The following ACTN2 variants were observed in gnomAD, a reference collection of about 807,000 sequenced individuals.
The protein encoded by ACTN2 is actinin alpha 2, also known as alpha-actinin-2.
ACTN2 carries 39 observed loss-of-function variants against 113.8 expected under a neutral mutation model. The observed-to-expected ratio is 0.34, with a 90% CI of 0.27 to 0.45. The LOEUF (loss-of-function observed/expected upper bound fraction) is 0.45. Among genes scored for constraint, ACTN2 ranks in the 20% least tolerant of loss-of-function variants. The pLI is 1.00. For synonymous variants in ACTN2, 429 were observed against 444.1 expected (o/e 0.97, Z 0.43); for missense variants, 992 against 1,177.9 (o/e 0.84, Z 2.31).
chr1:236,719,136 GCTCT>G (rs1212704116), intron 3 of ACTN2, 123 bp downstream of exon 3: 2 of 1,422,038 alleles, frequency 1.4e-6, no homozygotes, highest in African/African-American at 2.8e-5. Flanking sequence ...CTTGTATCAG[GCTCT>G]CTCTTAGGGC....
chr1:236,715,507 C>G (rs1171131990), intron 1 of ACTN2, among the ~76,000 whole-genome samples: 5 of 151,948 alleles, frequency 3.3e-5, no homozygotes, highest in Non-Finnish European at 7.4e-5. Context: ...TATATTTGCA[C>G]CATCCAATAC....
At chr1:236,729,706 A>G (rs1658661661) in intron 6 of ACTN2, among the ~76,000 whole-genome samples, 1 of 152,222 alleles carries the variant, frequency 6.6e-6, no homozygotes, top group Non-Finnish European at 1.5e-5. Context: ...CCAGCTTTTC[A>G]ATGGATGTAT....
chr1:236,691,659 T>C (rs1050060084), intron 1 of ACTN2, among the ~76,000 whole-genome samples: 1 of 151,950 alleles, frequency 6.6e-6, no homozygotes, highest in Non-Finnish European at 1.5e-5. Flanking sequence ...AATAAAAAAA[T>C]AATAAGTGTA....
chr1:236,736,918 T>G, intron 8 of ACTN2: 1 of 625,838 alleles, frequency 1.6e-6, no homozygotes, highest in Non-Finnish European at 2.9e-6. Flanking sequence ...GCCGTGTAAG[T>G]CTGTGTGAAA....
At chr1:236,729,530 G>A (rs886523346) in intron 6 of ACTN2, among the ~76,000 whole-genome samples, 2 of 152,134 alleles carry the variant, frequency 1.3e-5, no homozygotes, top group African/African-American at 2.4e-5. Context: ...ATGGATGGTC[G>A]TAAGAAGAGT....
rs200854335 is a variant in ACTN2, at chr1:236,761,144, G to A, written c.2497G>A (p.Ala833Thr). Residue 833 changes from alanine to threonine, a missense_variant, in exon 20 of 21, where the codon GCC (alanine) becomes ACC (threonine). Around this residue, in one of 3 missense-constraint regions of ACTN2, gnomAD observed 736 missense variants for 815.4 expected, o/e 0.90. Coordinates refer to ENST00000366578, the MANE Select transcript of ACTN2 (RefSeq NM_001103.4). ...ADTDTAEQVIASFRILASDKP... is the reference protein window; with the variant it reads ...ADTDTAEQVITSFRILASDKP... ...CACCGACACTGCCGAGCAGGTCATC[G>A]CCTCCTTCCGGATCCTGGCTTCTGA... 58 of 1,614,032 alleles carry A rather than the reference G, an allele frequency of 3.6e-5. No individual in the cohort carries two copies. Among genetic ancestry groups the A allele is most frequent in the Non-Finnish European group, 4.3e-5 (51 of 1,180,004 alleles).
chr1:236,710,902 A>G lies in ACTN2; in HGVS notation c.127-6956A>G, dbSNP rs1303431028. On this transcript the variant is annotated intron_variant, in intron 1 of 20. Transcript: ENST00000366578. ...AAACCATCCCCCTTCCCTACCCCCC[A>G]CCCGTGGAAAAATTGTCTTCCACGA... Among the ~76,000 whole-genome samples the G allele has an allele frequency of 4.1e-5, 6 of 147,044 alleles. No homozygotes were observed. In the Admixed American group the frequency reaches 4.1e-4, roughly 10 times the overall value.
At chr1:236,733,634 C>T (rs1658777867) in intron 7 of ACTN2, among the ~76,000 whole-genome samples, 2 of 148,106 alleles carry the variant, frequency 1.4e-5, no homozygotes, top group Non-Finnish European at 3.0e-5. Context: ...GTAGAGCGTG[C>T]GGTGGCATCA....
At chr1:236,723,941 G>A (rs1652223) in intron 4 of ACTN2, among the ~76,000 whole-genome samples, 1 of 151,990 alleles carries the variant, frequency 6.6e-6, no homozygotes, top group African/African-American at 2.4e-5. Context: ...TTGAGGAGCT[G>A]TTTAGATGTG....
In ACTN2 at chr1:236,726,004, C is replaced by G. The variant is rs1192315443; in HGVS notation, c.520C>G (p.Gln174Glu). The G allele has an allele frequency of 6.2e-7, 1 of 1,613,972 alleles. No homozygotes were observed. Among genetic ancestry groups the G allele is most frequent in the Non-Finnish European group, 8.5e-7 (1 of 1,179,986 alleles). ...TGCTCCTTATAGAAATGTGAACATT[C>G]AGAACTTCCATACTAGGTGAGCACC... The part of the protein sequence containing the change: ...KTAPYRNVNI[Q>E]NFHTSWKDGL... Residue 174 changes from glutamine (Q) to glutamate (E), a missense_variant, in exon 5 of 21, where the codon CAG becomes GAG. Coordinates refer to ENST00000366578, the MANE Select transcript of ACTN2 (RefSeq NM_001103.4).
chr1:236,706,951 G>T (rs1379798648), intron 1 of ACTN2, among the ~76,000 whole-genome samples: 1 of 152,198 alleles, frequency 6.6e-6, no homozygotes. Flanking sequence ...TAATACGTAT[G>T]CATGCAGACA....
intron 7 of ACTN2, 75 bp from the exon 8 acceptor site, chr1:236,735,560 T>C (rs1028035955): frequency 2.3e-5 from 30 of 1,329,856 alleles, no homozygotes; most frequent in Middle Eastern, 1.8e-4. Context: ...CTGTTCTCCC[T>C]GGTTTCTCTC....
rs1659767600 is a variant in ACTN2 at position 236,763,480 on chromosome 1, A to G, written c.*861A>G. On this transcript the variant is annotated 3_prime_UTR_variant, in exon 21 of 21. Coordinates refer to ENST00000366578, the MANE Select transcript of ACTN2 (RefSeq NM_001103.4). ...CATAAAAGTGCTCTGTTTATAAATA[A>G]GCAGGTTTCTGTAGTACTGACTGGT... is the stretch of plus-strand genomic sequence containing the variant. 1 of 152,302 alleles carries G rather than the reference A, an allele frequency of 6.6e-6. No individual in the cohort carries two copies. Among genetic ancestry groups the G allele is most frequent in the South Asian group, 2.1e-4 (1 of 4,832 alleles). The allele number at this position is 152,302 out of a possible 1,614,324, so 9.4% of individuals were successfully genotyped here. A position where few individuals can be genotyped will look rare whatever the true frequency, so the allele number is the denominator to read the frequency against.
At chr1:236,689,300 G>GATAT (rs57239117) in intron 1 of ACTN2, among the ~76,000 whole-genome samples, 87 of 122,544 alleles carry the variant, frequency 7.1e-4, no homozygotes, top group East Asian at 1.8e-3. Context: ...TTACAGATGT[G>GATAT]ATATATATAT....
intron 18 of ACTN2, among the ~76,000 whole-genome samples, chr1:236,758,580 C>T (rs969514178): frequency 1.3e-5 from 2 of 149,380 alleles, no homozygotes; most frequent in Admixed American, 6.6e-5. Context: ...TGAGCCACCG[C>T]ACCTGGCCTT....
rs202213263 is a variant in ACTN2 at position 236,719,032 on chromosome 1, G to A, written c.361+19G>A. The A allele has an allele frequency of 5.6e-6, 9 of 1,613,402 alleles. No individual in the cohort carries two copies. Among genetic ancestry groups the A allele is most frequent in the Non-Finnish European group, 7.6e-6 (9 of 1,179,806 alleles). The stretch of plus-strand genomic sequence containing the variant: ...GCTGAAGGTGAGAGGTGTGGTGGGT[G>A]GTCCTGTCTGCCACACTGACCTAAT... On this transcript the variant is annotated intron_variant, in intron 3 of 20. Coordinates refer to ENST00000366578, the MANE Select transcript of ACTN2 (RefSeq NM_001103.4).
At chr1:236,744,393 C>G (rs1430779363) in intron 11 of ACTN2, among the ~76,000 whole-genome samples, 1 of 152,162 alleles carries the variant, frequency 6.6e-6, no homozygotes, top group Non-Finnish European at 1.5e-5. Flanking sequence ...AGCATGCTCT[C>G]CTTTCCCCTT....
At position 236,727,697 on chromosome 1, in the gene ACTN2, C is replaced by T. The variant is rs371930065; in HGVS notation, c.556C>T (p.Leu186Phe). The T allele has an allele frequency of 2.0e-4, 320 of 1,614,002 alleles. No individual in the cohort carries two copies. Among genetic ancestry groups the T allele is most frequent in the Non-Finnish European group, 2.6e-4 (311 of 1,179,990 alleles). ...GTGAAGCTGGAAAGATGGCCTTGGA[C>T]TCTGTGCCCTCATCCACCGACACCG... ...FHTSWKDGLG[L>F]CALIHRHRPD... Residue 186 changes from leucine to phenylalanine, a missense_variant, in exon 6 of 21, where the codon CTC becomes TTC. Leu to Phe is a conservative substitution (Grantham distance 22). Around this residue, in one of 3 missense-constraint regions of ACTN2, gnomAD observed 220 missense variants for 337.5 expected, o/e 0.65. Coordinates refer to ENST00000366578, the MANE Select transcript of ACTN2 (RefSeq NM_001103.4).
chr1:236,743,642 C>G (rs1659140438), intron 11 of ACTN2, among the ~76,000 whole-genome samples: 1 of 151,804 alleles, frequency 6.6e-6, no homozygotes, highest in South Asian at 2.1e-4. Context: ...AAGCATTTTC[C>G]CCATCACATA....
Sources: gnomAD v4.1 joint callset for allele counts (sites outside exome capture counted in the v4.1 genomes callset) on GRCh38, gnomAD v4.1.1 for gene constraint, gnomAD v4.1.1 regional missense constraint, MANE v1.5 for transcripts, NCBI Gene and HGNC (gene_info 2026-07-23, HGNC 2026-07-21) for gene names.